Variants in VPS37D observed in about 807,000 individuals in gnomAD.
VPS37D encodes the protein VPS37D subunit of ESCRT-I.
Under a neutral mutation model 22.0 loss-of-function variants are expected in VPS37D, and 5 were observed. The observed-to-expected ratio is 0.23, with a 90% confidence interval of 0.12 to 0.48. The LOEUF is 0.48. Among genes scored for constraint, VPS37D ranks in the 20% least tolerant of loss-of-function variants. The pLI is 0.99. For synonymous variants in VPS37D, 174 were observed against 159.3 expected (o/e 1.09, Z -0.69); for missense variants, 384 against 345.8 (o/e 1.11, Z -0.88).
intron 1 of VPS37D, among the ~76,000 whole-genome samples, chr7:73,668,725 G>A (rs1248220362): frequency 6.6e-6 from 1 of 152,026 alleles, no homozygotes; most frequent in Non-Finnish European, 1.5e-5. Flanking sequence ...AGGGGAGTGC[G>A]TTCTCCAGGG....
upstream of VPS37D, among the ~76,000 whole-genome samples, chr7:73,667,360 G>A (rs1358413812): frequency 6.6e-6 from 1 of 151,148 alleles, no homozygotes; most frequent in African/African-American, 2.4e-5. Flanking sequence ...CAAACTCCTG[G>A]CCTCAAGCGA....
upstream of VPS37D, among the ~76,000 whole-genome samples, chr7:73,667,165 G>C (rs926177128): frequency 1.7e-4 from 26 of 151,680 alleles, no homozygotes; most frequent in East Asian, 2.5e-3. Context: ...TAGTAGAGAC[G>C]GGGTTTCACC....
upstream of VPS37D, among the ~76,000 whole-genome samples, chr7:73,665,635 C>A (rs889243532): frequency 9.9e-5 from 15 of 152,200 alleles, no homozygotes; most frequent in Admixed American, 9.8e-4. Flanking sequence ...CATGCCTGCC[C>A]ACCATGCTAT....
Position 73,668,195 on chromosome 7 carries a change from G to A in VPS37D, c.138+99G>A, listed in dbSNP as rs1554609020. 7 of 740,418 alleles carry A rather than the reference G, an allele frequency of 9.5e-6. No homozygotes were observed. In the South Asian group the frequency reaches 3.0e-4, roughly 32 times the overall value. The allele number at this position is 740,418 out of a possible 1,614,324, so 45.9% of individuals were successfully genotyped here. On this transcript the variant is annotated intron_variant, in intron 1 of 3. Transcript: ENST00000324941. ...GCCGCGCGGGCCGGGCCGCGGGGCCGCCCGTGGGCGCGGAGCCTGGCACGT... is the reference window on the plus strand; with the variant it reads ...GCCGCGCGGGCCGGGCCGCGGGGCCACCCGTGGGCGCGGAGCCTGGCACGT...
rs1554608979 is a variant in VPS37D, at chr7:73,668,000, C to T, written c.42C>T (p.Gly14=). Residue 14 remains glycine (G), a synonymous_variant, in exon 1 of 4, where the codon GGC becomes GGT. Transcript: ENST00000324941. ...ARAARAGPEP[G]SPGRFGILST... ...CGGCGCGGGCGGGGCCGGAGCCCGGCAGCCCGGGGCGCTTTGGGATCCTCA... is the reference window on the plus strand; with the variant it reads ...CGGCGCGGGCGGGGCCGGAGCCCGGTAGCCCGGGGCGCTTTGGGATCCTCA... 2.7e-6 allele frequency: 3 copies of T among 1,112,382 alleles called. No homozygotes were observed. The highest frequency in any genetic ancestry group is 7.7e-5 in the South Asian group (2 of 25,970). The allele number at this position is 1,112,382 out of a possible 1,614,324, so 68.9% of individuals were successfully genotyped here. A position where few individuals can be genotyped will look rare whatever the true frequency, so the allele number is the denominator to read the frequency against.
At chr7:73,668,810 G>A (rs1797440065) in intron 1 of VPS37D, among the ~76,000 whole-genome samples, 1 of 152,034 alleles carries the variant, frequency 6.6e-6, no homozygotes, top group African/African-American at 2.4e-5. Context: ...TGTAAGCCCG[G>A]AGCAGGGAGG....
intron 2 of VPS37D, 118 bp from the exon 3 acceptor site, chr7:73,669,902 G>A: frequency 1.3e-6 from 2 of 1,505,452 alleles, no homozygotes; most frequent in South Asian, 2.6e-5. Context: ...CGGTACAGAT[G>A]AGGAAACTGA....
Position 73,669,959 on chromosome 7 carries a change from C to T in VPS37D, c.311-61C>T, listed in dbSNP as rs531356858. On this transcript the variant is annotated intron_variant, in intron 2 of 3. Coordinates refer to ENST00000324941, the MANE Select transcript of VPS37D (RefSeq NM_001077621.2). ...GAAATATAGAATCACATGGGGTCAG[C>T]GGGAGAGTGCAAGCCCGGGGCCCTG... is the stretch of plus-strand genomic sequence containing the variant. 173 of 1,550,110 alleles carry T rather than the reference C, an allele frequency of 1.1e-4. 1 individual carries two copies. The East Asian group carries it at 2.5e-3, about 23-fold the overall frequency.
At chr7:73,666,008 G>A (rs1035712791), upstream of VPS37D, among the ~76,000 whole-genome samples, 3 of 152,066 alleles carry the variant, frequency 2.0e-5, no homozygotes, top group African/African-American at 7.2e-5. Context: ...GAACCACCAC[G>A]GCCGGCTACT....
At chr7:73,670,397 C>T (rs968484575) in intron 3 of VPS37D, among the ~76,000 whole-genome samples, 9 of 152,164 alleles carry the variant, frequency 5.9e-5, no homozygotes, top group Non-Finnish European at 1.0e-4. Flanking sequence ...GTGCAGCGAT[C>T]AGTGAGCTGA....
upstream of VPS37D, among the ~76,000 whole-genome samples, chr7:73,666,155 A>G (rs1220315645): frequency 6.6e-6 from 1 of 152,230 alleles, no homozygotes; most frequent in Non-Finnish European, 1.5e-5. Flanking sequence ...GACAAGGTAC[A>G]GGACATATCG....
At position 73,668,009 on chromosome 7, in the gene VPS37D, G is replaced by A; in HGVS notation, c.51G>A (p.Gly17=). 5.3e-6 allele frequency: 6 copies of A among 1,129,750 alleles called. No individual in the cohort carries two copies. The highest frequency in any genetic ancestry group is 6.6e-6 in the Non-Finnish European group (6 of 915,590). The allele number at this position is 1,129,750 out of a possible 1,614,324, so 70.0% of individuals were successfully genotyped here. Residue 17 remains glycine (G), a synonymous_variant, in exon 1 of 4, where the codon GGG becomes GGA. Transcript: ENST00000324941. ...CGGGGCCGGAGCCCGGCAGCCCGGGGCGCTTTGGGATCCTCAGCACCGGGC... is the reference window on the plus strand; with the variant it reads ...CGGGGCCGGAGCCCGGCAGCCCGGGACGCTTTGGGATCCTCAGCACCGGGC... ...ARAGPEPGSP[G]RFGILSTGQL...
At chr7:73,669,906 A>G in intron 2 of VPS37D, 114 bp from the exon 3 acceptor site, 2 of 1,512,306 alleles carry the variant, frequency 1.3e-6, no homozygotes, top group South Asian at 2.5e-5. Flanking sequence ...ACAGATGAGG[A>G]AACTGAGGCT....
In VPS37D at chr7:73,671,546, A is replaced by G; in HGVS notation, c.*170A>G. ...AGGAGGGTCCCCTGGAAGAGGCCCG[A>G]GAGGGGGCTGGGGGTGGGTGGGCAG... On this transcript the variant is annotated 3_prime_UTR_variant, in exon 4 of 4. Transcript: ENST00000324941. 7.2e-6 allele frequency: 1 copy of G among 138,032 alleles called. No homozygotes were observed. The highest frequency in any genetic ancestry group is 1.6e-4 in the South Asian group (1 of 6,142). The allele number at this position is 138,032 out of a possible 1,614,324, so 8.6% of individuals were successfully genotyped here.
chr7:73,665,781 CTCCTCTGGTAAGCCT>C (rs1293551844), upstream of VPS37D, among the ~76,000 whole-genome samples: 7 of 152,324 alleles, frequency 4.6e-5, no homozygotes, highest in Admixed American at 4.6e-4. Flanking sequence ...CAAATGCCAC[CTCCTCTGGTAAGCCT>C]TCCTAATTGC....
Position 73,669,530 on chromosome 7 carries a change from A to G in VPS37D, c.250A>G (p.Ile84Val), listed in dbSNP as rs782195432. Residue 84 changes from isoleucine to valine, a missense_variant, in exon 2 of 4, where the codon ATC (isoleucine) becomes GTC (valine). Physicochemically the swap from Ile to Val is conservative, Grantham distance 29. Coordinates refer to ENST00000324941, the MANE Select transcript of VPS37D (RefSeq NM_001077621.2). ...GGAGATGGGCCGGGCTGCCCTGGCC[A>G]TCAAATACCAGGAGCTTCGTGAGGT... is the stretch of plus-strand genomic sequence containing the variant. Reference protein sequence around the residue: ...RLEMGRAALAIKYQELREVAE... With the variant: ...RLEMGRAALAVKYQELREVAE... The G allele has an allele frequency of 8.3e-5, 131 of 1,587,220 alleles. No homozygotes were observed. The highest frequency in any genetic ancestry group is 5.8e-5 in the Non-Finnish European group (68 of 1,167,146).
intron 1 of VPS37D, among the ~76,000 whole-genome samples, chr7:73,668,620 C>A (rs1428290762): frequency 2.6e-5 from 4 of 151,602 alleles, no homozygotes; most frequent in African/African-American, 9.7e-5. Context: ...GGGAGATAGG[C>A]CCGGGCTGGT....
chr7:73,671,229 C>T lies in VPS37D; in HGVS notation c.609C>T (p.Ala203=), dbSNP rs1456567567. The change falls in exon 4 of 4, where the codon GCC becomes GCT. Residue 203 remains alanine (A), a synonymous_variant. Transcript: ENST00000324941. ...CTGCAGCTGTCCTGCCCACTGGGGC[C>T]GCCCGGGGGCCACCAGCAGTGCCCC... The part of the protein sequence containing the change: ...FPAAAVLPTG[A]ARGPPAVPRS... 14 of 1,554,790 alleles carry T rather than the reference C, an allele frequency of 9.0e-6. No individual in the cohort carries two copies. The highest frequency in any genetic ancestry group is 3.5e-5 in the South Asian group (3 of 85,084).
chr7:73,669,342 C>CCAGTAGGGTGGACGGGG (rs1193187830), intron 1 of VPS37D, 77 bp from the exon 2 acceptor site: 4 of 1,454,630 alleles, frequency 2.7e-6, no homozygotes, highest in Non-Finnish European at 1.8e-6. Context: ...GCACGGTCGC[C>CCAGTAGGGTGGACGGGG]CAGTAGGGTG....
Sources: gnomAD v4.1 joint callset for allele counts (sites outside exome capture counted in the v4.1 genomes callset) on GRCh38, gnomAD v4.1.1 for gene constraint, MANE v1.5 for transcripts, NCBI Gene and HGNC (gene_info 2026-07-23, HGNC 2026-07-21) for gene names.